Variants in EPB41L4A observed in about 807,000 individuals in gnomAD.
The protein encoded by EPB41L4A is erythrocyte membrane protein band 4.1 like 4A.
A neutral mutation model predicts 108.6 loss-of-function variants in EPB41L4A; 100 were observed. The observed-to-expected ratio is 0.92, with a 90% CI of 0.78 to 1.09. The LOEUF (loss-of-function observed/expected upper bound fraction) is 1.09, where lower values mean the gene tolerates loss of function less well. Ranked by LOEUF, EPB41L4A falls within the 50% of genes least tolerant of loss-of-function variation. The probability of loss-of-function intolerance (pLI) is 0.00; values close to 1 mark genes in which losing one functional copy is unlikely to be tolerated. For missense variants in EPB41L4A, 1,030 were observed against 842.7 expected (o/e 1.22, Z -2.75); for synonymous variants, 319 against 289.0 (o/e 1.10, Z -1.05).
chr5:112,380,780 A>C (rs1041473188), intron 1 of EPB41L4A, among the ~76,000 whole-genome samples: 3 of 128,358 alleles, frequency 2.3e-5, no homozygotes, highest in African/African-American at 9.0e-5. Context: ...CATCCTCTGC[A>C]CATCACACAC....
chr5:112,362,433 G>A (rs545664456), intron 1 of EPB41L4A, among the ~76,000 whole-genome samples: 4 of 151,984 alleles, frequency 2.6e-5, no homozygotes, highest in African/African-American at 7.2e-5. Context: ...GGTATGCGCT[G>A]CTGCGCCAAG....
chr5:112,350,553 T>C (rs1485299150), intron 1 of EPB41L4A, among the ~76,000 whole-genome samples: 3 of 152,220 alleles, frequency 2.0e-5, no homozygotes, highest in Non-Finnish European at 2.9e-5. Context: ...CCTACTATGC[T>C]ATTGAACATT....
intron 12 of EPB41L4A, among the ~76,000 whole-genome samples, chr5:112,223,309 GAGA>G (rs920114425): frequency 1.2e-4 from 19 of 152,004 alleles, no homozygotes; most frequent in African/African-American, 4.6e-4. Flanking sequence ...CCTGAACTCT[GAGA>G]ACCCCCAAAA....
At chr5:112,261,049 T>C (rs1751453354) in intron 7 of EPB41L4A, among the ~76,000 whole-genome samples, 1 of 144,006 alleles carries the variant, frequency 6.9e-6, no homozygotes, top group African/African-American at 2.7e-5. Context: ...TGGAAAGTTT[T>C]CTTTTAAAAA....
intron 1 of EPB41L4A, among the ~76,000 whole-genome samples, chr5:112,370,671 T>G (rs1340505851): frequency 6.6e-6 from 1 of 152,144 alleles, no homozygotes; most frequent in African/African-American, 2.4e-5. Flanking sequence ...TCCCAGCACT[T>G]TGGGAGGCTG....
intron 14 of EPB41L4A, chr5:112,204,797 C>G (rs893676042): frequency 4.1e-6 from 1 of 246,024 alleles, no homozygotes; most frequent in African/African-American, 2.2e-5. Context: ...TAAACACTGA[C>G]TCAGCTAAAG....
chr5:112,281,968 G>A (rs1470834517), intron 2 of EPB41L4A, among the ~76,000 whole-genome samples: 1 of 151,826 alleles, frequency 6.6e-6, no homozygotes, highest in Non-Finnish European at 1.5e-5. Flanking sequence ...AAAAAGTAGA[G>A]TAACCAACAT....
intron 15 of EPB41L4A, among the ~76,000 whole-genome samples, chr5:112,200,529 G>A (rs1396724215): frequency 1.3e-5 from 2 of 152,094 alleles, no homozygotes; most frequent in Non-Finnish European, 2.9e-5. Context: ...TCCCTTAACA[G>A]CATCTAAGCT....
Position 112,201,121 on chromosome 5 carries a change from T to C in EPB41L4A, c.1376+3254A>G, listed in dbSNP as rs1010082539. On this transcript the variant is annotated intron_variant, in intron 15 of 22. Transcript: ENST00000261486. ...AGACTGACAAGGACAACGACACTTA[T>C]AGGGCATTCATACTGGGAAGAAACA... Among the ~76,000 whole-genome samples, 11 of 152,220 alleles carry C rather than the reference T, an allele frequency of 7.2e-5. 1 individual carries two copies. Among genetic ancestry groups the C allele is most frequent in the Non-Finnish European group, 7.3e-5 (5 of 68,034 alleles).
At chr5:112,350,725 T>A (rs1306833993) in intron 1 of EPB41L4A, among the ~76,000 whole-genome samples, 1 of 152,186 alleles carries the variant, frequency 6.6e-6, no homozygotes, top group Non-Finnish European at 1.5e-5. Flanking sequence ...AGTCAGAACA[T>A]GTGGTATCTT....
At chr5:112,209,623 A>C (rs1363809838) in intron 13 of EPB41L4A, among the ~76,000 whole-genome samples, 1 of 152,210 alleles carries the variant, frequency 6.6e-6, no homozygotes, top group African/African-American at 2.4e-5. Flanking sequence ...AGAAATTTTT[A>C]ATTTTCTGCG....
At chr5:112,362,383 C>T (rs774620785) in intron 1 of EPB41L4A, among the ~76,000 whole-genome samples, 4 of 151,392 alleles carry the variant, frequency 2.6e-5, no homozygotes, top group Non-Finnish European at 4.4e-5. Flanking sequence ...CACATTCGAG[C>T]GATTCTCCTG....
At chr5:112,199,267 C>A (rs891181531) in intron 15 of EPB41L4A, among the ~76,000 whole-genome samples, 1 of 152,188 alleles carries the variant, frequency 6.6e-6, no homozygotes, top group African/African-American at 2.4e-5. Flanking sequence ...TGTCCCTGTC[C>A]ATCTCTTACA....
At chr5:112,181,080 C>G (rs1228090806) in intron 18 of EPB41L4A, among the ~76,000 whole-genome samples, 2 of 152,120 alleles carry the variant, frequency 1.3e-5, no homozygotes, top group Non-Finnish European at 1.5e-5. Flanking sequence ...TGGGGCAGAA[C>G]AAGACCCTCT....
intron 19 of EPB41L4A, 134 bp downstream of exon 19, chr5:112,170,811 T>G (rs1323946251): frequency 1.3e-6 from 1 of 744,786 alleles, no homozygotes; most frequent in Non-Finnish European, 2.3e-6. Context: ...GTGCTCCATG[T>G]GCCTGCCACA....
intron 1 of EPB41L4A, among the ~76,000 whole-genome samples, chr5:112,394,907 A>G (rs1234990783): frequency 6.6e-6 from 1 of 152,206 alleles, no homozygotes; most frequent in Non-Finnish European, 1.5e-5. Flanking sequence ...ATATAGACCA[A>G]TGGAACAGAA....
chr5:112,348,558 G>A (rs1339766473), intron 1 of EPB41L4A, among the ~76,000 whole-genome samples: 7 of 152,144 alleles, frequency 4.6e-5, no homozygotes, highest in African/African-American at 1.4e-4. Context: ...GCAGGGGAAG[G>A]GGAAACTCAC....
intron 9 of EPB41L4A, among the ~76,000 whole-genome samples, chr5:112,253,201 AGTG>A (rs1331384333): frequency 2.0e-5 from 3 of 152,202 alleles, no homozygotes; most frequent in Non-Finnish European, 4.4e-5. Flanking sequence ...CACTGTAATG[AGTG>A]ATCAAACTTG....
At chr5:112,167,797 G>T (rs970488349) in intron 22 of EPB41L4A, among the ~76,000 whole-genome samples, 2 of 152,130 alleles carry the variant, frequency 1.3e-5, no homozygotes, top group African/African-American at 4.8e-5. Flanking sequence ...AATCTATCTA[G>T]GGAACCTAAC....
Sources: gnomAD v4.1 joint callset for allele counts (sites outside exome capture counted in the v4.1 genomes callset) on GRCh38, gnomAD v4.1.1 for gene constraint, MANE v1.5 for transcripts, NCBI Gene and HGNC (gene_info 2026-07-23, HGNC 2026-07-21) for gene names.